Variants in POLR3B observed in about 807,000 individuals in gnomAD.
POLR3B encodes the protein DNA-directed RNA polymerase III subunit RPC2.
Under a neutral mutation model 147.4 loss-of-function variants are expected in POLR3B, and 96 were observed. That is an observed-to-expected ratio of 0.65 (90% CI 0.55 to 0.77). The LOEUF is 0.77. Among genes scored for constraint, POLR3B ranks in the 30% least tolerant of loss-of-function variants. The probability of loss-of-function intolerance (pLI) is 0.00; values close to 1 mark genes in which losing one functional copy is unlikely to be tolerated. For missense variants in POLR3B, 1,036 were observed against 1,413.5 expected, an observed-to-expected ratio of 0.73 and a Z score of 4.28; for synonymous variants, 461 against 485.9, an observed-to-expected ratio of 0.95 and a Z score of 0.67.
At chr12:106,375,363 A>G (rs2036663521) in intron 6 of POLR3B, among the ~76,000 whole-genome samples, 1 of 152,046 alleles carries the variant, frequency 6.6e-6, no homozygotes, top group Admixed American at 6.6e-5. Context: ...TATGGCTTTC[A>G]TATGTCTTTA....
chr12:106,466,635 G>A (rs561832311), intron 23 of POLR3B, among the ~76,000 whole-genome samples: 50 of 152,280 alleles, frequency 3.3e-4, no homozygotes, highest in Non-Finnish European at 6.0e-4. Context: ...TGTATAAGGT[G>A]TAAGGAAGGG....
intron 17 of POLR3B, 119 bp from the exon 18 acceptor site, chr12:106,437,562 T>C (rs1565896446): frequency 2.9e-5 from 20 of 697,730 alleles, no homozygotes; most frequent in Non-Finnish European, 5.3e-5. Context: ...AATGTAATGA[T>C]ATTCTCTGGG....
chr12:106,470,877 C>G (rs1262526686), intron 23 of POLR3B, among the ~76,000 whole-genome samples: 1 of 152,116 alleles, frequency 6.6e-6, no homozygotes, highest in Non-Finnish European at 1.5e-5. Context: ...TTGTCGGCCA[C>G]TACTGGGAGG....
At chr12:106,374,413 G>A (rs573817772) in intron 6 of POLR3B, among the ~76,000 whole-genome samples, 3 of 151,726 alleles carry the variant, frequency 2.0e-5, no homozygotes, top group African/African-American at 4.8e-5. Flanking sequence ...ACGGGGTTTC[G>A]CCATGTTGCC....
At chr12:106,506,216 AT>A (rs758240968) in intron 27 of POLR3B, among the ~76,000 whole-genome samples, 2 of 152,224 alleles carry the variant, frequency 1.3e-5, no homozygotes, top group Non-Finnish European at 2.9e-5. Context: ...AAGAAAAGAA[AT>A]CATGTAATAG....
At position 106,376,391 on chromosome 12, in the gene POLR3B, T is replaced by A. The variant is rs1410081958; in HGVS notation, c.437T>A (p.Val146Asp). ...MPIMLRSSNC[V>D]LTGKTPAEFA... ...ATAATGCTACGTAGTTCAAACTGTGTTCTTACAGGAAAAACGCCAGCAGAA... is the reference window on the plus strand; with the variant it reads ...ATAATGCTACGTAGTTCAAACTGTGATCTTACAGGAAAAACGCCAGCAGAA... The change falls in exon 7 of 28, where the codon GTT (valine) becomes GAT (aspartate). Residue 146 changes from valine to aspartate, a missense_variant. Coordinates refer to ENST00000228347, the MANE Select transcript of POLR3B (RefSeq NM_018082.6). The A allele has an allele frequency of 6.2e-7, 1 of 1,613,344 alleles. No homozygotes were observed. Among genetic ancestry groups the A allele is most frequent in the East Asian group, 2.2e-5 (1 of 44,878 alleles).
chr12:106,480,327 G>A (rs557368819), intron 23 of POLR3B, among the ~76,000 whole-genome samples: 31 of 152,316 alleles, frequency 2.0e-4, no homozygotes, highest in Admixed American at 7.8e-4. Flanking sequence ...TTGTTGACTA[G>A]TGAATATCAT....
At chr12:106,464,011 A>G (rs2037973511) in intron 23 of POLR3B, among the ~76,000 whole-genome samples, 2 of 152,062 alleles carry the variant, frequency 1.3e-5, no homozygotes, top group African/African-American at 4.8e-5. Flanking sequence ...TGTTAGCACT[A>G]GAAGACACCT....
intron 2 of POLR3B, 24 bp from the exon 3 acceptor site, chr12:106,366,492 T>C: frequency 6.4e-7 from 1 of 1,564,218 alleles, no homozygotes; most frequent in Non-Finnish European, 8.8e-7. Context: ...CTAACCTGTT[T>C]ACTTTCTCTT....
At chr12:106,484,335 A>G (rs773908427) in intron 23 of POLR3B, among the ~76,000 whole-genome samples, 5 of 152,168 alleles carry the variant, frequency 3.3e-5, no homozygotes, top group Non-Finnish European at 7.3e-5. Flanking sequence ...TCGAGTGCCT[A>G]TATTGTTGAT....
At chr12:106,372,701 CATT>C (rs2036626049) in intron 6 of POLR3B, among the ~76,000 whole-genome samples, 2 of 152,104 alleles carry the variant, frequency 1.3e-5, no homozygotes, top group Non-Finnish European at 1.5e-5. Flanking sequence ...TAACTGTAGA[CATT>C]ATTTTTTCCC....
chr12:106,482,351 C>T (rs968061887), intron 23 of POLR3B, among the ~76,000 whole-genome samples: 4 of 152,136 alleles, frequency 2.6e-5, no homozygotes, highest in Non-Finnish European at 4.4e-5. Context: ...AGAAATACCT[C>T]AGACTGGATA....
chr12:106,384,835 T>A (rs999282395), intron 9 of POLR3B, among the ~76,000 whole-genome samples: 1 of 151,972 alleles, frequency 6.6e-6, no homozygotes, highest in African/African-American at 2.4e-5. Flanking sequence ...AATGTCTTTT[T>A]TTTTTTTTTT....
chr12:106,426,950 A>C (rs2037447579), intron 12 of POLR3B, among the ~76,000 whole-genome samples: 1 of 151,112 alleles, frequency 6.6e-6, no homozygotes, highest in South Asian at 2.1e-4. Context: ...GACTGGTCTA[A>C]AGAAAATGTC....
intron 6 of POLR3B, among the ~76,000 whole-genome samples, chr12:106,375,758 T>C (rs1196952463): frequency 6.6e-6 from 1 of 152,230 alleles, no homozygotes; most frequent in Non-Finnish European, 1.5e-5. Flanking sequence ...AAGTAACTGA[T>C]GAGAATCACT....
intron 12 of POLR3B, among the ~76,000 whole-genome samples, chr12:106,418,951 G>A (rs1233627447): frequency 6.6e-6 from 1 of 152,058 alleles, no homozygotes; most frequent in Admixed American, 6.6e-5. Context: ...TGAATCAAGG[G>A]GCTACAATAA....
intron 23 of POLR3B, among the ~76,000 whole-genome samples, chr12:106,468,543 G>A (rs900016231): frequency 8.5e-5 from 13 of 152,102 alleles, no homozygotes; most frequent in Non-Finnish European, 1.6e-4. Flanking sequence ...TTAGGGTGTC[G>A]ATTTTAGATC....
chr12:106,446,204 T>A, intron 19 of POLR3B: 1 of 455,400 alleles, frequency 2.2e-6, no homozygotes, highest in Non-Finnish European at 4.4e-6. Context: ...TGTTTCATGA[T>A]GTGAATCCCA....
rs1344000015 is a variant in POLR3B at position 106,393,030 on chromosome 12, G to T, written c.724-1G>T. On this transcript the variant is annotated splice_acceptor_variant, in intron 9 of 27. Transcript: ENST00000228347. LOFTEE classifies it high-confidence loss of function. ...CTTTCTATCTTTTCTTTCCTTCCTA[G>T]GCCATGGGTGTTGAGAGTGACCAGG... is the stretch of plus-strand genomic sequence containing the variant. 1 of 1,614,100 alleles carries T rather than the reference G, an allele frequency of 6.2e-7. No homozygotes were observed. The highest frequency in any genetic ancestry group is 2.2e-5 in the East Asian group (1 of 44,884).
Sources: allele counts gnomAD v4.1 joint callset (sites outside exome capture counted in the v4.1 genomes callset), GRCh38; gene constraint gnomAD v4.1.1; transcripts MANE v1.5; gene names NCBI Gene and HGNC (gene_info 2026-07-23, HGNC 2026-07-21).